SPOCK3: variants seen among roughly 807,000 people sequenced by gnomAD.
The protein encoded by SPOCK3 is SPARC (osteonectin), cwcv and kazal like domains proteoglycan 3.
In SPOCK3, 30 loss-of-function variants were observed where a neutral mutation model predicts 56.6. The ratio of observed to expected loss-of-function variants is 0.53; its 90% CI spans 0.40 to 0.72. SPOCK3 has a LOEUF of 0.72. Ranked by LOEUF, SPOCK3 falls within the 30% of genes least tolerant of loss-of-function variation. The pLI, the probability that SPOCK3 is intolerant of heterozygous loss-of-function variation, is 0.00. For missense variants in SPOCK3, 527 were observed against 530.0 expected, an observed-to-expected ratio of 0.99 and a Z score of 0.06; for synonymous variants, 196 against 183.3, an observed-to-expected ratio of 1.07 and a Z score of -0.56.
intron 6 of SPOCK3, among the ~76,000 whole-genome samples, chr4:166,811,930 T>C (rs973367161): frequency 3.3e-5 from 5 of 151,848 alleles, no homozygotes; most frequent in Admixed American, 6.6e-5. Flanking sequence ...CTAATAAGGA[T>C]GTTTCTTAAT....
chr4:167,219,459 T>A (rs1280188768), intron 2 of SPOCK3, among the ~76,000 whole-genome samples: 2 of 152,172 alleles, frequency 1.3e-5, no homozygotes, highest in Non-Finnish European at 2.9e-5. Context: ...ATTACTATTT[T>A]TAGGAGGTAT....
chr4:167,059,205 T>C (rs1025633595), intron 3 of SPOCK3, among the ~76,000 whole-genome samples: 34 of 151,888 alleles, frequency 2.2e-4, no homozygotes, highest in Admixed American at 6.6e-4. Flanking sequence ...ACCATCAGAG[T>C]GAACAGGCAA....
chr4:167,153,710 G>C (rs957681708), intron 2 of SPOCK3, among the ~76,000 whole-genome samples: 2 of 152,148 alleles, frequency 1.3e-5, no homozygotes, highest in African/African-American at 2.4e-5. Flanking sequence ...TTCCTAGCAT[G>C]TTAGATGTCT....
chr4:167,233,896 G>C, intron 2 of SPOCK3, 89 bp downstream of exon 2: 2 of 1,143,378 alleles, frequency 1.7e-6, no homozygotes, highest in East Asian at 4.7e-5. Context: ...AGAAAACGGA[G>C]CCCACTCCCC....
chr4:166,766,753 A>C (rs763618193), intron 7 of SPOCK3, among the ~76,000 whole-genome samples: 15 of 152,316 alleles, frequency 9.8e-5, no homozygotes, highest in Non-Finnish European at 1.2e-4. Flanking sequence ...GAATAGTTTC[A>C]GAAGGAATGG....
At chr4:167,005,424 A>G (rs975859936) in intron 3 of SPOCK3, among the ~76,000 whole-genome samples, 16 of 151,866 alleles carry the variant, frequency 1.1e-4, no homozygotes, top group African/African-American at 3.9e-4. Flanking sequence ...CATGTTAGCC[A>G]GGATGGTCTC....
chr4:167,053,898 G>A (rs141864550), intron 3 of SPOCK3, among the ~76,000 whole-genome samples: 104 of 152,082 alleles, frequency 6.8e-4, no homozygotes, highest in African/African-American at 2.5e-3. Context: ...TGGAGGAGCA[G>A]GAGAAACACA....
At chr4:166,813,985 G>A (rs1414096350) in intron 6 of SPOCK3, among the ~76,000 whole-genome samples, 1 of 151,982 alleles carries the variant, frequency 6.6e-6, no homozygotes. Flanking sequence ...TAAAACTTGA[G>A]TAAAAGAATA....
At chr4:167,179,482 T>C (rs1731265184) in intron 2 of SPOCK3, among the ~76,000 whole-genome samples, 1 of 152,166 alleles carries the variant, frequency 6.6e-6, no homozygotes, top group South Asian at 2.1e-4. Flanking sequence ...ACTCTTTGAG[T>C]TGCTAACATA....
intron 3 of SPOCK3, among the ~76,000 whole-genome samples, chr4:167,022,265 C>T (rs1445781018): frequency 1.3e-5 from 2 of 152,140 alleles, no homozygotes; most frequent in East Asian, 3.9e-4. Flanking sequence ...ATATAAATCT[C>T]TAGGATATTC....
intron 4 of SPOCK3, among the ~76,000 whole-genome samples, chr4:166,929,702 C>T (rs576249312): frequency 1.2e-3 from 182 of 152,228 alleles, no homozygotes; most frequent in African/African-American, 3.9e-3. Flanking sequence ...AGTATAAAAA[C>T]AAGATGTATA....
At chr4:167,158,561 TA>T (rs1196637043) in intron 2 of SPOCK3, among the ~76,000 whole-genome samples, 1 of 151,962 alleles carries the variant, frequency 6.6e-6, no homozygotes, top group Non-Finnish European at 1.5e-5. Flanking sequence ...TAGAACCAAG[TA>T]AATAACCTTT....
At chr4:167,189,363 A>G (rs1732277547) in intron 2 of SPOCK3, among the ~76,000 whole-genome samples, 1 of 145,950 alleles carries the variant, frequency 6.9e-6, no homozygotes, top group Non-Finnish European at 1.5e-5. Context: ...AAATGCAATT[A>G]ATAATATACT....
At chr4:166,930,663 G>T (rs189890235) in intron 4 of SPOCK3, among the ~76,000 whole-genome samples, 2 of 152,198 alleles carry the variant, frequency 1.3e-5, no homozygotes, top group Admixed American at 1.3e-4. Context: ...ACCACAGAAG[G>T]CACTTATGGA....
intron 4 of SPOCK3, among the ~76,000 whole-genome samples, chr4:166,938,453 CTGGTGATCAATCTGGTAAAAAAAATGT>C (rs1305346716): frequency 6.6e-6 from 1 of 152,030 alleles, no homozygotes; most frequent in Non-Finnish European, 1.5e-5. Context: ...ATTTCAGATG[CTGGTGATCAATCTGGTAAAAAAAATGT>C]TTAGTAGGTA....
At chr4:166,747,831 T>A (rs201214035) in intron 8 of SPOCK3, among the ~76,000 whole-genome samples, 1 of 151,506 alleles carries the variant, frequency 6.6e-6, no homozygotes. Context: ...AGCATTCTTA[T>A]ACACCAATAA....
At chr4:166,762,524 CA>C (rs11316022) in intron 7 of SPOCK3, among the ~76,000 whole-genome samples, 50,143 of 151,730 alleles carry the variant, frequency 0.33, 8,449 homozygotes, top group Admixed American at 0.42. Context: ...AGATGAAAGA[CA>C]AAAACTTCTC....
chr4:167,154,366 G>A (rs1764648117), intron 2 of SPOCK3, among the ~76,000 whole-genome samples: 1 of 151,974 alleles, frequency 6.6e-6, no homozygotes, highest in Non-Finnish European at 1.5e-5. Context: ...ACGGTCCTAG[G>A]GACACTCAGA....
intron 2 of SPOCK3, among the ~76,000 whole-genome samples, chr4:167,219,496 G>A (rs969077892): frequency 6.6e-6 from 1 of 152,076 alleles, no homozygotes; most frequent in Non-Finnish European, 1.5e-5. Context: ...GTATTCAGGC[G>A]CACAATGTCT....
Sources: gnomAD v4.1 joint callset for allele counts (sites outside exome capture counted in the v4.1 genomes callset) on GRCh38, gnomAD v4.1.1 for gene constraint, MANE v1.5 for transcripts, NCBI Gene and HGNC (gene_info 2026-07-23, HGNC 2026-07-21) for gene names.